CIMIP3: variants seen among roughly 807,000 people sequenced by gnomAD.
CIMIP3 encodes ciliary microtubule inner protein 3.
the CIMIP3 span, among the ~76,000 whole-genome samples, chr6:42,162,606 G>C: frequency 1.3e-5 from 2 of 150,100 alleles, no homozygotes; most frequent in Non-Finnish European, 3.0e-5. Context: ...CCAAGGACAC[G>C]GACAGACGAT....
chr6:42,159,150 C>T, the CIMIP3 span, among the ~76,000 whole-genome samples: 1 of 152,236 alleles, frequency 6.6e-6, no homozygotes, highest in Non-Finnish European at 1.5e-5. Flanking sequence ...CTGATTGTCA[C>T]TGCCCTCAGG....
chr6:42,156,869 A>G, the CIMIP3 span, among the ~76,000 whole-genome samples: 7 of 152,346 alleles, frequency 4.6e-5, no homozygotes, highest in Admixed American at 2.0e-4. Flanking sequence ...GGACAGCACC[A>G]CGTGCCCCTG....
the CIMIP3 span, chr6:42,163,272 C>T: frequency 1.7e-4 from 91 of 546,380 alleles, 1 homozygote; most frequent in Middle Eastern, 2.5e-3. Flanking sequence ...CGGAAGCCCC[C>T]GACCCTTCAC....
the CIMIP3 span, among the ~76,000 whole-genome samples, chr6:42,159,246 G>A: frequency 6.6e-6 from 1 of 152,150 alleles, no homozygotes; most frequent in South Asian, 2.1e-4. Context: ...AGCCACCACT[G>A]TAATTCTGCA....
the CIMIP3 span, among the ~76,000 whole-genome samples, chr6:42,156,492 TGCTACCCAGTCACATGAGGAAGCTGAG>T: frequency 6.6e-6 from 1 of 152,122 alleles, no homozygotes; most frequent in African/African-American, 2.4e-5. Flanking sequence ...CAGGCTCTCA[TGCTACCCAGTCACATGAGGAAGCTGAG>T]GCCTACCCCC....
chr6:42,159,107 A>G, the CIMIP3 span, among the ~76,000 whole-genome samples: 1 of 152,200 alleles, frequency 6.6e-6, no homozygotes, highest in Non-Finnish European at 1.5e-5. Context: ...AGCCTCTACC[A>G]AGGATAAAGA....
At chr6:42,161,320 G>T in the CIMIP3 span, among the ~76,000 whole-genome samples, 1 of 152,182 alleles carries the variant, frequency 6.6e-6, no homozygotes, top group Non-Finnish European at 1.5e-5. Context: ...AGTGCCTAGA[G>T]GCTGGAGGGC....
the CIMIP3 span, among the ~76,000 whole-genome samples, chr6:42,159,224 C>A: frequency 1.9e-4 from 29 of 152,282 alleles, no homozygotes; most frequent in African/African-American, 7.0e-4. Flanking sequence ...CTACTGGCAT[C>A]TGGTGGGTAG....
the CIMIP3 span, among the ~76,000 whole-genome samples, chr6:42,162,271 G>A: frequency 6.6e-5 from 10 of 150,804 alleles, no homozygotes; most frequent in Middle Eastern, 3.4e-3. Flanking sequence ...AAAATTAGCC[G>A]GGCGTGGTGG....
At chr6:42,162,910 C>A in the CIMIP3 span, 1 of 615,440 alleles carries the variant, frequency 1.6e-6, no homozygotes, top group East Asian at 2.9e-5. Flanking sequence ...CCTTCTTTCC[C>A]CCCTCCCAGG....
At chr6:42,157,843 G>A in the CIMIP3 span, among the ~76,000 whole-genome samples, 2 of 152,188 alleles carry the variant, frequency 1.3e-5, no homozygotes, top group Non-Finnish European at 2.9e-5. Flanking sequence ...GGAAATGAGG[G>A]AAGCAGTAGG....
At chr6:42,157,360 T>C in the CIMIP3 span, among the ~76,000 whole-genome samples, 1 of 152,146 alleles carries the variant, frequency 6.6e-6, no homozygotes, top group Admixed American at 6.6e-5. Context: ...GTGATTCTCC[T>C]GCCTCAGCCT....
chr6:42,160,949 G>A, the CIMIP3 span, among the ~76,000 whole-genome samples: 1 of 152,190 alleles, frequency 6.6e-6, no homozygotes, highest in Non-Finnish European at 1.5e-5. Context: ...AGCACTTTGG[G>A]AGGCTGAGGC....
the CIMIP3 span, among the ~76,000 whole-genome samples, chr6:42,158,934 G>A: frequency 6.6e-6 from 1 of 152,224 alleles, no homozygotes; most frequent in African/African-American, 2.4e-5. Context: ...GGTTAGTGGG[G>A]AGCAGGGATG....
At chr6:42,162,810 C>T in the CIMIP3 span, 1 of 551,938 alleles carries the variant, frequency 1.8e-6, no homozygotes. Flanking sequence ...TCCAGAGTGG[C>T]TCTGGGGGCT....
At chr6:42,159,216 A>G in the CIMIP3 span, among the ~76,000 whole-genome samples, 1 of 152,170 alleles carries the variant, frequency 6.6e-6, no homozygotes, top group Non-Finnish European at 1.5e-5. Flanking sequence ...AGAAGGTGCT[A>G]CTGGCATCTG....
At chr6:42,156,111 A>G in the CIMIP3 span, among the ~76,000 whole-genome samples, 1 of 151,694 alleles carries the variant, frequency 6.6e-6, no homozygotes, top group Admixed American at 6.6e-5. Flanking sequence ...CCCCCACCTC[A>G]GCCTCCCAAG....
At chr6:42,161,080 C>T in the CIMIP3 span, among the ~76,000 whole-genome samples, 2 of 152,188 alleles carry the variant, frequency 1.3e-5, no homozygotes, top group South Asian at 2.1e-4. Context: ...CCCACCTACT[C>T]GGGAGGGTGA....
the CIMIP3 span, chr6:42,162,804 G>T: frequency 1.9e-6 from 1 of 536,466 alleles, no homozygotes; most frequent in Non-Finnish European, 3.4e-6. Flanking sequence ...CAGTGCTCCA[G>T]AGTGGCTCTG....
Sources: allele counts gnomAD v4.1 joint callset (sites outside exome capture counted in the v4.1 genomes callset), GRCh38; gene constraint gnomAD v4.1.1; transcripts MANE v1.5; gene names NCBI Gene and HGNC (gene_info 2026-07-23, HGNC 2026-07-21).